The following CAMK1D variants were observed in gnomAD, a reference collection of about 807,000 sequenced individuals.
CAMK1D encodes the protein calcium/calmodulin dependent protein kinase ID.
In CAMK1D, 9 loss-of-function variants were observed where a neutral mutation model predicts 47.7. The observed-to-expected ratio is 0.19, with a 90% CI of 0.11 to 0.33. The LOEUF (loss-of-function observed/expected upper bound fraction) is 0.33. Ranked by LOEUF, CAMK1D falls within the 10% of genes least tolerant of loss-of-function variation. The pLI is 1.00. For synonymous variants in CAMK1D, 184 were observed against 184.9 expected, an observed-to-expected ratio of 0.99 and a Z score of 0.04; for missense variants, 291 against 488.7, an observed-to-expected ratio of 0.60 and a Z score of 3.81.
chr10:12,676,646 G>A (rs775183820), intron 3 of CAMK1D, among the ~76,000 whole-genome samples: 22 of 152,122 alleles, frequency 1.4e-4, no homozygotes, highest in Non-Finnish European at 2.9e-4. Context: ...AGAGAGGTTG[G>A]ATCATTTACC....
Position 12,637,567 on chromosome 10 carries a change from CA to C in CAMK1D, c.225-29168del, listed in dbSNP as rs1343407401. On this transcript the variant is annotated intron_variant, in intron 2 of 10. Coordinates refer to ENST00000619168, the MANE Select transcript of CAMK1D (RefSeq NM_153498.4). ...AAATGCCAAATATTTCCCAAGGTCCCAGGCAGAATTCCTGGTGGTAGTGCTA... is the reference window on the plus strand; with the variant it reads ...AAATGCCAAATATTTCCCAAGGTCCCGGCAGAATTCCTGGTGGTAGTGCTA... Among the ~76,000 whole-genome samples the C allele has an allele frequency of 1.2e-4, 17 of 137,700 alleles. No homozygotes were observed. The Admixed American group carries it at 1.3e-3, about 11-fold the overall frequency. 90.3% of individuals were successfully genotyped at this position (137,700 alleles called of 152,430 possible). A position where few individuals can be genotyped will look rare whatever the true frequency, so the allele number is the denominator to read the frequency against.
At chr10:12,808,366 A>G (rs1389534808) in intron 6 of CAMK1D, among the ~76,000 whole-genome samples, 1 of 152,236 alleles carries the variant, frequency 6.6e-6, no homozygotes, top group Non-Finnish European at 1.5e-5. Context: ...CAAACTCAGT[A>G]TCTGGTATAT....
In CAMK1D at chr10:12,784,399, T is replaced by C. The variant is rs543793570; in HGVS notation, c.566-6759T>C. ...TTTTAGTAGAGACGGGGTTTCACCT[T>C]GTTGGTCAGGCTGGTCTCGAACTCC... On this transcript the variant is annotated intron_variant, in intron 5 of 10. Coordinates refer to ENST00000619168, the MANE Select transcript of CAMK1D (RefSeq NM_153498.4). Among the ~76,000 whole-genome samples the C allele has an allele frequency of 4.6e-5, 7 of 152,206 alleles. No homozygotes were observed. In the South Asian group the frequency reaches 1.5e-3, roughly 32 times the overall value.
At chr10:12,724,685 G>A (rs750069253) in intron 3 of CAMK1D, among the ~76,000 whole-genome samples, 7 of 152,174 alleles carry the variant, frequency 4.6e-5, no homozygotes, top group South Asian at 2.1e-4. Flanking sequence ...CCGGGCAACC[G>A]CTGTCTGAGC....
intron 1 of CAMK1D, among the ~76,000 whole-genome samples, chr10:12,402,348 C>T (rs1839260101): frequency 6.6e-6 from 1 of 152,056 alleles, no homozygotes; most frequent in African/African-American, 2.4e-5. Flanking sequence ...ATCCTCCCAC[C>T]TCAGCCTACT....
At chr10:12,602,748 C>T (rs115505866) in intron 2 of CAMK1D, among the ~76,000 whole-genome samples, 133 of 152,134 alleles carry the variant, frequency 8.7e-4, no homozygotes, top group African/African-American at 3.0e-3. Flanking sequence ...GGCACTGGGC[C>T]TGCAGAGACG....
At chr10:12,362,050 A>G (rs1474021484) in intron 1 of CAMK1D, among the ~76,000 whole-genome samples, 1 of 152,048 alleles carries the variant, frequency 6.6e-6, no homozygotes, top group African/African-American at 2.4e-5. Flanking sequence ...TCTGCTCCTT[A>G]AAACAAAAGA....
intron 1 of CAMK1D, among the ~76,000 whole-genome samples, chr10:12,386,928 G>A (rs111814863): frequency 1.3e-5 from 2 of 152,064 alleles, no homozygotes; most frequent in African/African-American, 2.4e-5. Context: ...TCAGCCGGGC[G>A]CAGTAGCTCA....
At chr10:12,460,365 A>T (rs1171645209) in intron 1 of CAMK1D, among the ~76,000 whole-genome samples, 1 of 151,474 alleles carries the variant, frequency 6.6e-6, no homozygotes, top group Non-Finnish European at 1.5e-5. Context: ...GGCTCAAGCG[A>T]TCCTCCTGCC....
intron 1 of CAMK1D, among the ~76,000 whole-genome samples, chr10:12,379,500 C>G (rs1838279864): frequency 6.6e-6 from 1 of 152,092 alleles, no homozygotes; most frequent in African/African-American, 2.4e-5. Flanking sequence ...CGCCTGTAAT[C>G]CCAGCACTTT....
chr10:12,680,222 T>A (rs1028526992), intron 3 of CAMK1D, among the ~76,000 whole-genome samples: 1 of 152,190 alleles, frequency 6.6e-6, no homozygotes, highest in Non-Finnish European at 1.5e-5. Context: ...AGAGTTTATA[T>A]AGGAAATTAA....
intron 3 of CAMK1D, among the ~76,000 whole-genome samples, chr10:12,685,256 A>G (rs1369033654): frequency 6.6e-6 from 1 of 152,214 alleles, no homozygotes; most frequent in Non-Finnish European, 1.5e-5. Context: ...AGCCGAGATC[A>G]TGCCACTGCA....
intron 1 of CAMK1D, among the ~76,000 whole-genome samples, chr10:12,409,231 C>A (rs1048132445): frequency 6.6e-6 from 1 of 152,042 alleles, no homozygotes; most frequent in Admixed American, 6.5e-5. Flanking sequence ...GTATTCAGCA[C>A]CACGTTTGAG....
chr10:12,380,005 G>A (rs1013238257), intron 1 of CAMK1D, among the ~76,000 whole-genome samples: 2 of 151,498 alleles, frequency 1.3e-5, no homozygotes, highest in Admixed American at 1.3e-4. Context: ...ATGAGGTCAG[G>A]AGATCGAGAC....
intron 8 of CAMK1D, 63 bp from the exon 9 acceptor site, chr10:12,824,402 A>T: frequency 5.6e-6 from 8 of 1,424,706 alleles, no homozygotes; most frequent in Non-Finnish European, 7.9e-6. Flanking sequence ...ACTCCCCTTT[A>T]TGGGACGCAG....
chr10:12,563,700 G>GAGAGAGAGAGAGAGAGAGA (rs1564414542), intron 2 of CAMK1D, among the ~76,000 whole-genome samples: 9 of 85,248 alleles, frequency 1.1e-4, no homozygotes, highest in East Asian at 5.6e-4. Context: ...AGAGAGAGAG[G>GAGAGAGAGAGAGAGAGAGA]GAGAGAGAGG....
chr10:12,375,578 A>G (rs577158152), intron 1 of CAMK1D, among the ~76,000 whole-genome samples: 150 of 152,306 alleles, frequency 9.8e-4, no homozygotes, highest in African/African-American at 3.5e-3. Context: ...TGGTACTCCA[A>G]AAAAAGACTC....
intron 3 of CAMK1D, among the ~76,000 whole-genome samples, chr10:12,742,143 A>G (rs1413735661): frequency 6.6e-6 from 1 of 152,104 alleles, no homozygotes; most frequent in East Asian, 1.9e-4. Flanking sequence ...TTTGAGGTGT[A>G]TATATATTTT....
chr10:12,709,300 A>C lies in CAMK1D; in HGVS notation c.299+42490A>C, dbSNP rs539781489. Reference sequence around the variant, plus strand: ...AATTCTTGGCTGAGAAAATGTGAGGAGTGCTAAGGCCGTGGTTGGAGGATT... The same window carrying C: ...AATTCTTGGCTGAGAAAATGTGAGGCGTGCTAAGGCCGTGGTTGGAGGATT... On this transcript the variant is annotated intron_variant, in intron 3 of 10. Transcript: ENST00000619168. Among the ~76,000 whole-genome samples the C allele has an allele frequency of 1.3e-4, 20 of 152,032 alleles. No individual in the cohort carries two copies. In the South Asian group the frequency reaches 4.2e-3, roughly 32 times the overall value.
Sources: gnomAD v4.1 joint callset for allele counts (sites outside exome capture counted in the v4.1 genomes callset) on GRCh38, gnomAD v4.1.1 for gene constraint, MANE v1.5 for transcripts, NCBI Gene and HGNC (gene_info 2026-07-23, HGNC 2026-07-21) for gene names.